ANAPC13: variants seen among roughly 807,000 people sequenced by gnomAD.
The protein encoded by ANAPC13 is anaphase-promoting complex subunit 13.
A neutral mutation model predicts 9.6 loss-of-function variants in ANAPC13; 9 were observed. That is an observed-to-expected ratio of 0.94 (90% confidence interval 0.57 to 1.64). ANAPC13 has a LOEUF of 1.64. Among genes scored for constraint, ANAPC13 ranks in the 40% most tolerant of loss-of-function variants. The pLI is 0.00. For synonymous variants in ANAPC13, 30 were observed against 29.7 expected, an observed-to-expected ratio of 1.01 and a Z score of -0.03; for missense variants, 75 against 85.3, an observed-to-expected ratio of 0.88 and a Z score of 0.48.
intron 2 of ANAPC13, among the ~76,000 whole-genome samples, chr3:134,479,416 C>A (rs573273955): frequency 1.4e-4 from 21 of 152,236 alleles, no homozygotes; most frequent in Middle Eastern, 3.4e-3. Context: ...CGGCTCACCA[C>A]AACCTCTGCC....
intron 1 of ANAPC13, chr3:134,485,709 A>C (rs1005938278): frequency 2.0e-5 from 3 of 152,494 alleles, no homozygotes; most frequent in Non-Finnish European, 4.4e-5. Flanking sequence ...ACCGTACGAC[A>C]GGCCGTCCCT....
chr3:134,479,815 C>T (rs191788548), intron 2 of ANAPC13, among the ~76,000 whole-genome samples: 1 of 152,326 alleles, frequency 6.6e-6, no homozygotes, highest in Non-Finnish European at 1.5e-5. Flanking sequence ...TCATGGGCCA[C>T]ACTTACTGTA....
upstream of ANAPC13, chr3:134,486,002 C>G: frequency 2.1e-6 from 2 of 972,728 alleles, no homozygotes; most frequent in Non-Finnish European, 2.4e-6. Flanking sequence ...CCCCCCCCCC[C>G]TCCCCCGCAT....
chr3:134,478,404 T>G lies in ANAPC13; in HGVS notation c.*186A>C. On this transcript the variant is annotated 3_prime_UTR_variant, in exon 3 of 3. Coordinates refer to ENST00000354910, the MANE Select transcript of ANAPC13 (RefSeq NM_015391.4). The stretch of plus-strand genomic sequence containing the variant: ...AGTTTTAGGTTTAAAGAGCGAAATA[T>G]TCACCATTACTGAGAAATCTCAGTT... The G allele has an allele frequency of 1.5e-5, 11 of 744,940 alleles. No individual in the cohort carries two copies. Among genetic ancestry groups the G allele is most frequent in the Non-Finnish European group, 2.2e-5 (10 of 461,514 alleles). The allele number at this position is 744,940 out of a possible 1,614,324, so 46.1% of individuals were successfully genotyped here.
chr3:134,485,951 C>A lies in ANAPC13; in HGVS notation c.-28+1G>T. On this transcript the variant is annotated splice_donor_variant, in intron 1 of 2. Coordinates refer to ENST00000354910, the MANE Select transcript of ANAPC13 (RefSeq NM_015391.4). LOFTEE classifies it low-confidence loss of function (5UTR_SPLICE). Reference sequence around the variant, plus strand: ...AGGCCGGGGGCGCTGGAAACCCTTACCGGCACCCGGCCACCGCGGCAGACG... The same window carrying A: ...AGGCCGGGGGCGCTGGAAACCCTTAACGGCACCCGGCCACCGCGGCAGACG... The A allele has an allele frequency of 1.0e-6, 1 of 982,404 alleles. No homozygotes were observed. Among genetic ancestry groups the A allele is most frequent in the Non-Finnish European group, 1.2e-6 (1 of 827,946 alleles). The allele number at this position is 982,404 out of a possible 1,614,324, so 60.9% of individuals were successfully genotyped here.
intron 1 of ANAPC13, chr3:134,483,310 G>A (rs1934781834): frequency 5.8e-6 from 1 of 171,906 alleles, no homozygotes; most frequent in African/African-American, 2.4e-5. Context: ...GGCCAGCTAA[G>A]TTTCCTTTCT....
intron 1 of ANAPC13, 25 bp from the exon 2 acceptor site, chr3:134,482,956 T>TA: frequency 6.9e-7 from 1 of 1,449,076 alleles, no homozygotes; most frequent in Non-Finnish European, 9.7e-7. Flanking sequence ...GGTTATTTCT[T>TA]AAACACGAAG....
Position 134,482,801 on chromosome 3 carries a change from C to T in ANAPC13, c.99+5G>A. 1 of 1,613,398 alleles carries T rather than the reference C, an allele frequency of 6.2e-7. No homozygotes were observed. The highest frequency in any genetic ancestry group is 8.5e-7 in the Non-Finnish European group (1 of 1,179,304). On this transcript the variant is annotated splice_donor_5th_base_variant and intron_variant, in intron 2 of 2. Transcript: ENST00000354910. ...AACCCATCCTCAGCTCAAATCATAA[C>T]CTACCAGTGGTATTGCGACATCCTC... is the stretch of plus-strand genomic sequence containing the variant.
chr3:134,484,564 A>C (rs546846809), intron 1 of ANAPC13, among the ~76,000 whole-genome samples: 1 of 152,344 alleles, frequency 6.6e-6, no homozygotes, highest in South Asian at 2.1e-4. Context: ...TACTTCTGTC[A>C]CCGGTGAGCC....
At chr3:134,486,011 A>G (rs1037748311), upstream of ANAPC13, 4 of 820,484 alleles carry the variant, frequency 4.9e-6, no homozygotes, top group African/African-American at 6.9e-5. Flanking sequence ...CCTCCCCCGC[A>G]TCACGTGTCT....
At chr3:134,483,093 A>G (rs1559830299) in intron 1 of ANAPC13, 162 bp from the exon 2 acceptor site, 1 of 604,756 alleles carries the variant, frequency 1.7e-6, no homozygotes, top group Non-Finnish European at 2.9e-6. Context: ...CCTCTCTCCA[A>G]CCCCAACTGA....
intron 2 of ANAPC13, 130 bp from the exon 3 acceptor site, chr3:134,478,845 A>G: frequency 9.6e-7 from 1 of 1,038,706 alleles, no homozygotes; most frequent in Non-Finnish European, 1.4e-6. Flanking sequence ...ATTCTAAAAA[A>G]GCTAAAATCA....
chr3:134,479,449 C>T (rs1208940534), intron 2 of ANAPC13, among the ~76,000 whole-genome samples: 4 of 151,982 alleles, frequency 2.6e-5, no homozygotes, highest in Admixed American at 1.3e-4. Context: ...GCGATTCTCC[C>T]GCCTCAGCCT....
intron 2 of ANAPC13, among the ~76,000 whole-genome samples, chr3:134,481,146 CT>C (rs1934724652): frequency 1.3e-5 from 2 of 152,212 alleles, no homozygotes; most frequent in African/African-American, 4.8e-5. Context: ...TCACTTGCCC[CT>C]ATCTCCATGT....
intron 1 of ANAPC13, among the ~76,000 whole-genome samples, chr3:134,484,462 C>T (rs1203867702): frequency 3.3e-5 from 5 of 152,066 alleles, no homozygotes; most frequent in Non-Finnish European, 5.9e-5. Flanking sequence ...ATCCCTAACA[C>T]CTTGGCAAAA....
intron 2 of ANAPC13, 57 bp downstream of exon 2, chr3:134,482,749 A>G (rs1395976874): frequency 7.4e-7 from 1 of 1,348,926 alleles, no homozygotes; most frequent in East Asian, 2.3e-5. Flanking sequence ...TCCCTCCTCC[A>G]CTAGTTACTG....
intron 2 of ANAPC13, 112 bp downstream of exon 2, chr3:134,482,694 C>T (rs1271382395): frequency 2.3e-6 from 2 of 888,560 alleles, no homozygotes; most frequent in African/African-American, 1.7e-5. Context: ...TAGAGAATTC[C>T]ACAGCTTTGA....
At chr3:134,481,131 T>TG (rs1934724252) in intron 2 of ANAPC13, among the ~76,000 whole-genome samples, 1 of 152,222 alleles carries the variant, frequency 6.6e-6, no homozygotes, top group Non-Finnish European at 1.5e-5. Flanking sequence ...GCTTGCCAAT[T>TG]GGTCTCACTT....
At chr3:134,482,778 C>T (rs1488255608) in intron 2 of ANAPC13, 28 bp downstream of exon 2, 1 of 1,585,404 alleles carries the variant, frequency 6.3e-7, no homozygotes, top group South Asian at 1.1e-5. Flanking sequence ...ATACCTTTAA[C>T]CCATCCTCAG....
Sources: gnomAD v4.1 joint callset for allele counts (sites outside exome capture counted in the v4.1 genomes callset) on GRCh38, gnomAD v4.1.1 for gene constraint, MANE v1.5 for transcripts, NCBI Gene and HGNC (gene_info 2026-07-23, HGNC 2026-07-21) for gene names.